POMGNT2: variants seen among roughly 807,000 people sequenced by gnomAD.
POMGNT2 encodes the protein protein O-linked mannose N-acetylglucosaminyltransferase 2 (beta 1,4-), also known as protein O-linked-mannose beta-1,4-N-acetylglucosaminyltransferase 2.
Under a neutral mutation model 37.8 loss-of-function variants are expected in POMGNT2, and 32 were observed. The observed-to-expected ratio is 0.85, with a 90% confidence interval of 0.64 to 1.14. The LOEUF (loss-of-function observed/expected upper bound fraction) is 1.14. Ranked by LOEUF, POMGNT2 falls within the 50% of genes most tolerant of loss-of-function variation. The probability of loss-of-function intolerance (pLI) is 0.00; values close to 1 mark genes in which losing one functional copy is unlikely to be tolerated. For missense variants in POMGNT2, 705 were observed against 780.6 expected, an observed-to-expected ratio of 0.90 and a Z score of 1.15; for synonymous variants, 340 against 336.8, an observed-to-expected ratio of 1.01 and a Z score of -0.10.
intron 1 of POMGNT2, among the ~76,000 whole-genome samples, chr3:43,103,226 A>T (rs895828003): frequency 6.6e-6 from 1 of 152,184 alleles, no homozygotes; most frequent in African/African-American, 2.4e-5. Flanking sequence ...GAGCTCTCAC[A>T]GGCAGCCAGG....
intron 1 of POMGNT2, among the ~76,000 whole-genome samples, chr3:43,082,234 T>C (rs995602500): frequency 6.6e-6 from 1 of 152,212 alleles, no homozygotes; most frequent in Non-Finnish European, 1.5e-5. Flanking sequence ...TGAGAACAAC[T>C]GGCATTGGAG....
chr3:43,085,256 G>GGGA (rs1365671915), intron 1 of POMGNT2, among the ~76,000 whole-genome samples: 2 of 152,154 alleles, frequency 1.3e-5, no homozygotes. Flanking sequence ...CCATCAAGTG[G>GGGA]GGAGGGTGTG....
chr3:43,082,025 G>A (rs17470089), intron 1 of POMGNT2, among the ~76,000 whole-genome samples: 104 of 152,270 alleles, frequency 6.8e-4, no homozygotes, highest in African/African-American at 2.5e-3. Flanking sequence ...TCAGCCAAAC[G>A]CAGCCAAGAT....
At position 43,081,374 on chromosome 3, in the gene POMGNT2, A is replaced by G. The variant is rs1414598030; in HGVS notation, c.58T>C (p.Trp20Arg). ...TGCTCACGCAGCCGCACATGCTTCCACAGGACCGCTGCCAGCACCGACACC... is the reference window on the plus strand; with the variant it reads ...TGCTCACGCAGCCGCACATGCTTCCGCAGGACCGCTGCCAGCACCGACACC... Reference protein sequence around the residue: ...LLVSVLAAVLWKHVRLREHAA... With the variant: ...LLVSVLAAVLRKHVRLREHAA... The change falls in exon 2 of 2, where the codon TGG becomes CGG. Residue 20 changes from tryptophan to arginine, a missense_variant. Physicochemically the swap from Trp to Arg is moderately radical, Grantham distance 101. Transcript: ENST00000344697. 1 of 1,607,074 alleles carries G rather than the reference A, an allele frequency of 6.2e-7. No individual in the cohort carries two copies. The highest frequency in any genetic ancestry group is 2.2e-5 in the East Asian group (1 of 44,840).
rs556636539 is a variant in POMGNT2 at position 43,081,009 on chromosome 3, G to A, written c.423C>T (p.Arg141=). 6.2e-7 allele frequency: 1 copy of A among 1,614,244 alleles called. No homozygotes were observed. Among genetic ancestry groups the A allele is most frequent in the South Asian group, 1.1e-5 (1 of 91,092 alleles). ...NFVELPAAAL[R]FMPKPVFVPD... is the part of the protein sequence containing the mutation. The stretch of plus-strand genomic sequence containing the variant: ...GCACGAACACCGGCTTGGGCATGAA[G>A]CGCAGGGCAGCAGCAGGCAGCTCCA... Residue 141 remains arginine, a synonymous_variant, in exon 2 of 2, where the codon CGC becomes CGT. Transcript: ENST00000344697.
At chr3:43,104,021 C>G (rs1254681768) in intron 1 of POMGNT2, among the ~76,000 whole-genome samples, 1 of 152,180 alleles carries the variant, frequency 6.6e-6, no homozygotes, top group Non-Finnish European at 1.5e-5. Flanking sequence ...AGGCACAGTG[C>G]TAACTGTTTT....
At chr3:43,087,158 T>G (rs563770678) in intron 1 of POMGNT2, among the ~76,000 whole-genome samples, 49 of 152,332 alleles carry the variant, frequency 3.2e-4, no homozygotes, top group African/African-American at 1.1e-3. Flanking sequence ...AGCATGGCCC[T>G]GCTGACACCT....
At chr3:43,088,846 G>A (rs1000095344) in intron 1 of POMGNT2, among the ~76,000 whole-genome samples, 2 of 152,244 alleles carry the variant, frequency 1.3e-5, no homozygotes, top group African/African-American at 4.8e-5. Flanking sequence ...CCTGCTGTGA[G>A]AAATGGTAAC....
chr3:43,100,469 C>G (rs1559421118), intron 1 of POMGNT2, among the ~76,000 whole-genome samples: 1 of 152,154 alleles, frequency 6.6e-6, no homozygotes, highest in East Asian at 1.9e-4. Flanking sequence ...ACAAGTCTCC[C>G]TGAGGAGGGC....
chr3:43,092,368 G>A (rs1312799043), intron 1 of POMGNT2, among the ~76,000 whole-genome samples: 1 of 152,154 alleles, frequency 6.6e-6, no homozygotes, highest in East Asian at 1.9e-4. Flanking sequence ...CATGATACCA[G>A]CTCACTGCAA....
chr3:43,080,266 T>C lies in POMGNT2; in HGVS notation c.1166A>G (p.Gln389Arg). ...CATCATGTTCCGCCAGGCTACATAC[T>C]GGAGGTCCATGCCAGGCAGCATGGC... ...TLAMLPGMDLQYVAWRNMMPE... is the reference protein window; with the variant it reads ...TLAMLPGMDLRYVAWRNMMPE... The change falls in exon 2 of 2, where the codon CAG (glutamine) becomes CGG (arginine). Residue 389 changes from glutamine (Q) to arginine (R), a missense_variant. Gln to Arg is a conservative substitution (Grantham distance 43). Transcript: ENST00000344697. 6.2e-7 allele frequency: 1 copy of C among 1,614,200 alleles called. No homozygotes were observed. Among genetic ancestry groups the C allele is most frequent in the Non-Finnish European group, 8.5e-7 (1 of 1,180,030 alleles).
chr3:43,105,558 T>TCCCCGGC lies in POMGNT2; in HGVS notation c.-106+271_-106+277dup, dbSNP rs1409739225. On this transcript the variant is annotated intron_variant, in intron 1 of 1. Transcript: ENST00000344697. ...GGCAAGCCCCAGGGCGTTGCCCAGG[T>TCCCCGGC]CCCCGGCCCCCGGCCCCCGACCCCC... is the stretch of plus-strand genomic sequence containing the variant. Among the ~76,000 whole-genome samples, 67 of 147,248 alleles carry TCCCCGGC rather than the reference T, an allele frequency of 4.6e-4. No homozygotes were observed. In the Middle Eastern group the frequency reaches 0.015, roughly 32 times the overall value.
chr3:43,093,431 T>C (rs1288311510), intron 1 of POMGNT2, among the ~76,000 whole-genome samples: 1 of 152,148 alleles, frequency 6.6e-6, no homozygotes, highest in Non-Finnish European at 1.5e-5. Context: ...AGAATAGTGT[T>C]GATGGAAGGC....
At position 43,081,447 on chromosome 3, in the gene POMGNT2, G is replaced by T; in HGVS notation, c.-16C>A. 1 of 1,520,230 alleles carries T rather than the reference G, an allele frequency of 6.6e-7. No homozygotes were observed. 94.2% of individuals were successfully genotyped at this position (1,520,230 alleles called of 1,614,324 possible). ...AGAGGTGCATCCTAATGCCACTGTG[G>T]GGCCCTAATGAGATGACGGCCACTG... On this transcript the variant is annotated 5_prime_UTR_variant, in exon 2 of 2. Transcript: ENST00000344697.
intron 1 of POMGNT2, among the ~76,000 whole-genome samples, chr3:43,091,994 C>T (rs923413861): frequency 7.9e-5 from 12 of 152,178 alleles, no homozygotes; most frequent in Non-Finnish European, 1.3e-4. Flanking sequence ...GGAGGAGCTG[C>T]CTCAGATCGG....
rs779488793 is a variant in POMGNT2 at position 43,081,462 on chromosome 3, G to T, written c.-31C>A. 17 of 1,490,220 alleles carry T rather than the reference G, an allele frequency of 1.1e-5. No homozygotes were observed. In the African/African-American group the frequency reaches 2.1e-4, roughly 18 times the overall value. 92.3% of individuals were successfully genotyped at this position (1,490,220 alleles called of 1,614,324 possible). A position where few individuals can be genotyped will look rare whatever the true frequency, so the allele number is the denominator to read the frequency against. On this transcript the variant is annotated 5_prime_UTR_variant, in exon 2 of 2. It introduces an in-frame stop codon into an upstream open reading frame of the 5' UTR. Coordinates refer to ENST00000344697, the MANE Select transcript of POMGNT2 (RefSeq NM_032806.6). ...TGCCACTGTGGGGCCCTAATGAGAT[G>T]ACGGCCACTGGGAAGCACCACAGGC...
At position 43,081,068 on chromosome 3, in the gene POMGNT2, C is replaced by T. The variant is rs149948290; in HGVS notation, c.364G>A (p.Val122Met). Residue 122 changes from valine (V) to methionine (M), a missense_variant, in exon 2 of 2, where the codon GTG (valine) becomes ATG (methionine). Transcript: ENST00000344697. ...AAGTACTGAGTGTTGTGGTCCTCCA[C>T]GGTGGATAGGTCGAGCAGGGCTGGC... The part of the protein sequence containing the change: ...FQPALLDLST[V>M]EDHNTQYFNF... 1,112 of 1,614,194 alleles carry T rather than the reference C, an allele frequency of 6.9e-4. 9 individuals carry two copies. The African/African-American group carries it at 0.011, about 15-fold the overall frequency.
At chr3:43,090,859 G>A (rs2089937942) in intron 1 of POMGNT2, among the ~76,000 whole-genome samples, 1 of 152,180 alleles carries the variant, frequency 6.6e-6, no homozygotes, top group Non-Finnish European at 1.5e-5. Context: ...AACATGAGCA[G>A]GAGGAACAGT....
At chr3:43,092,020 C>A (rs1229504771) in intron 1 of POMGNT2, among the ~76,000 whole-genome samples, 2 of 152,152 alleles carry the variant, frequency 1.3e-5, no homozygotes, top group Admixed American at 1.3e-4. Flanking sequence ...ACTAAAGAGA[C>A]ACAGCAACTT....
Sources: allele counts gnomAD v4.1 joint callset (sites outside exome capture counted in the v4.1 genomes callset), GRCh38; gene constraint gnomAD v4.1.1; transcripts MANE v1.5; gene names NCBI Gene and HGNC (gene_info 2026-07-23, HGNC 2026-07-21).